Variants in UNC5D observed in about 807,000 individuals in gnomAD.
UNC5D encodes netrin receptor UNC5D.
UNC5D carries 39 observed loss-of-function variants against 105.4 expected under a neutral mutation model. That is an observed-to-expected ratio of 0.37 (90% CI 0.29 to 0.48). The LOEUF (loss-of-function observed/expected upper bound fraction) is 0.48. UNC5D is among the 20% of genes least tolerant of loss of function. The pLI is 0.98. For synonymous variants in UNC5D, 452 were observed against 450.4 expected (o/e 1.00, Z -0.04); for missense variants, 991 against 1,202.4 (o/e 0.82, Z 2.60).
At chr8:35,741,904 A>T (rs1008200519) in intron 11 of UNC5D, among the ~76,000 whole-genome samples, 1 of 152,190 alleles carries the variant, frequency 6.6e-6, no homozygotes, top group Admixed American at 6.5e-5. Flanking sequence ...GGCATCCAGG[A>T]GTATAATTTT....
At chr8:35,357,956 T>G (rs926090640) in intron 1 of UNC5D, among the ~76,000 whole-genome samples, 1 of 152,144 alleles carries the variant, frequency 6.6e-6, no homozygotes, top group African/African-American at 2.4e-5. Context: ...GCAGGTAAGA[T>G]TCCCATATGA....
chr8:35,547,857 G>A (rs932741319), intron 1 of UNC5D, among the ~76,000 whole-genome samples: 8 of 152,274 alleles, frequency 5.3e-5, no homozygotes, highest in African/African-American at 1.9e-4. Context: ...GTTTCTTAAT[G>A]AGTATTGACT....
intron 1 of UNC5D, among the ~76,000 whole-genome samples, chr8:35,515,369 C>T (rs909193376): frequency 6.6e-6 from 1 of 152,108 alleles, no homozygotes; most frequent in African/African-American, 2.4e-5. Context: ...ATATAGACAG[C>T]ATAGTAAATA....
intron 1 of UNC5D, among the ~76,000 whole-genome samples, chr8:35,263,504 C>T (rs1222662482): frequency 6.6e-6 from 1 of 152,130 alleles, no homozygotes; most frequent in Non-Finnish European, 1.5e-5. Flanking sequence ...ATGTGAGCCT[C>T]ACACCTCAGC....
chr8:35,562,597 T>A (rs1004342429), intron 2 of UNC5D, among the ~76,000 whole-genome samples: 1 of 152,138 alleles, frequency 6.6e-6, no homozygotes. Flanking sequence ...TTTTAAAATA[T>A]ATATTTTTGG....
chr8:35,598,502 T>C (rs952691418), intron 4 of UNC5D, among the ~76,000 whole-genome samples: 2 of 152,150 alleles, frequency 1.3e-5, no homozygotes, highest in Non-Finnish European at 2.9e-5. Flanking sequence ...TTCCTCAGAA[T>C]GTTAAAAGTA....
At chr8:35,623,781 AT>A (rs1344605325) in intron 4 of UNC5D, among the ~76,000 whole-genome samples, 1 of 152,178 alleles carries the variant, frequency 6.6e-6, no homozygotes, top group Non-Finnish European at 1.5e-5. Flanking sequence ...AATAAATTTG[AT>A]TTTATAAAAA....
intron 1 of UNC5D, among the ~76,000 whole-genome samples, chr8:35,505,418 T>C (rs551178593): frequency 6.0e-4 from 92 of 152,310 alleles, no homozygotes; most frequent in African/African-American, 2.1e-3. Context: ...CTTGAAAAAA[T>C]AGCTTGAGGC....
chr8:35,746,311 C>G (rs2131625285), intron 11 of UNC5D, among the ~76,000 whole-genome samples: 1 of 152,188 alleles, frequency 6.6e-6, no homozygotes. Context: ...TTGTAAATCT[C>G]CCTGATTGTT....
At chr8:35,373,489 A>G (rs1314384822) in intron 1 of UNC5D, among the ~76,000 whole-genome samples, 2 of 152,202 alleles carry the variant, frequency 1.3e-5, no homozygotes, top group African/African-American at 4.8e-5. Context: ...AATAAACATC[A>G]CATAATATGA....
intron 4 of UNC5D, among the ~76,000 whole-genome samples, chr8:35,616,960 G>T (rs1821066094): frequency 6.6e-6 from 1 of 152,178 alleles, no homozygotes; most frequent in Admixed American, 6.5e-5. Context: ...AGTCTGGGAT[G>T]CCGCCACATA....
In UNC5D at chr8:35,791,086, TAGA is replaced by T; in HGVS notation, c.*525_*527del. The T allele has an allele frequency of 1.1e-5, 2 of 178,292 alleles. No individual in the cohort carries two copies. The highest frequency in any genetic ancestry group is 1.3e-4 in the South Asian group (1 of 7,854). The allele number at this position is 178,292 out of a possible 1,614,324, so 11.0% of individuals were successfully genotyped here. Reference sequence around the variant, plus strand: ...CTTCAACAACGTCAAGGAGGGCATTTAGAATTTAGAATCTGAGCACATCACACC... The same window carrying T: ...CTTCAACAACGTCAAGGAGGGCATTTATTTAGAATCTGAGCACATCACACC... On this transcript the variant is annotated 3_prime_UTR_variant, in exon 17 of 17. Transcript: ENST00000404895.
At chr8:35,636,214 A>G (rs1416432219) in intron 4 of UNC5D, among the ~76,000 whole-genome samples, 1 of 152,218 alleles carries the variant, frequency 6.6e-6, no homozygotes, top group East Asian at 1.9e-4. Flanking sequence ...AAAGAAAGCA[A>G]ACGGGGTCGA....
chr8:35,496,055 A>G (rs1811570222), intron 1 of UNC5D, among the ~76,000 whole-genome samples: 1 of 152,210 alleles, frequency 6.6e-6, no homozygotes, highest in Non-Finnish European at 1.5e-5. Context: ...TTAGAACAAT[A>G]ATTGTGGTTC....
intron 4 of UNC5D, among the ~76,000 whole-genome samples, chr8:35,623,034 C>T (rs903870670): frequency 2.6e-5 from 4 of 152,164 alleles, no homozygotes; most frequent in African/African-American, 9.6e-5. Context: ...ATTGCAAGTG[C>T]TCTGTACCAG....
chr8:35,484,101 G>A (rs116679431), intron 1 of UNC5D, among the ~76,000 whole-genome samples: 1,805 of 152,226 alleles, frequency 0.012, 37 homozygotes, highest in African/African-American at 0.042. Flanking sequence ...ATCTCTGCCT[G>A]TAGTGAATTA....
In UNC5D at chr8:35,789,510, A is replaced by C. The variant is rs116652299; in HGVS notation, c.2658-849A>C. Among the ~76,000 whole-genome samples, 1,024 of 152,052 alleles carry C rather than the reference A, an allele frequency of 6.7e-3. 5 individuals carry two copies. The highest frequency in any genetic ancestry group is 0.022 in the African/African-American group (915 of 41,500). ...GTGAGAGATTAGAAAGATGGTTATA[A>C]ATACTGGGATACTTGTTCTAGTTAG... On this transcript the variant is annotated intron_variant, in intron 16 of 16. Transcript: ENST00000404895.
chr8:35,629,272 A>C (rs1821885288), intron 4 of UNC5D, among the ~76,000 whole-genome samples: 1 of 152,064 alleles, frequency 6.6e-6, no homozygotes, highest in African/African-American at 2.4e-5. Flanking sequence ...GTGTGGTTTT[A>C]ATTTGCATTT....
At chr8:35,549,566 G>T (rs1284544438) in intron 2 of UNC5D, 56 bp downstream of exon 2, 33 of 1,526,308 alleles carry the variant, frequency 2.2e-5, no homozygotes, top group Non-Finnish European at 2.9e-5. Context: ...TTCTCCTGTG[G>T]TTATATCTCT....
Sources: gnomAD v4.1 joint callset for allele counts (sites outside exome capture counted in the v4.1 genomes callset) on GRCh38, gnomAD v4.1.1 for gene constraint, MANE v1.5 for transcripts, NCBI Gene and HGNC (gene_info 2026-07-23, HGNC 2026-07-21) for gene names.